UNC13C: variants seen among roughly 807,000 people sequenced by gnomAD.
UNC13C encodes protein unc-13 homolog C.
A neutral mutation model predicts 245.4 loss-of-function variants in UNC13C; 174 were observed. The observed-to-expected ratio is 0.71, with a 90% CI of 0.63 to 0.80. UNC13C has a LOEUF of 0.80. Among genes scored for constraint, UNC13C ranks in the 30% least tolerant of loss-of-function variants. The pLI is 0.00. For missense variants in UNC13C, 2,829 were observed against 2,602.9 expected (o/e 1.09, Z -1.89); for synonymous variants, 992 against 895.1 (o/e 1.11, Z -1.93).
At chr15:54,033,041 T>A (rs890341276) in intron 2 of UNC13C, among the ~76,000 whole-genome samples, 1 of 152,108 alleles carries the variant, frequency 6.6e-6, no homozygotes, top group African/African-American at 2.4e-5. Flanking sequence ...CAGTGTATGC[T>A]GCTTGGGTGA....
intron 4 of UNC13C, among the ~76,000 whole-genome samples, chr15:54,197,514 G>A (rs1466451226): frequency 2.0e-5 from 3 of 151,996 alleles, no homozygotes; most frequent in African/African-American, 7.2e-5. Context: ...CGCTGGATAG[G>A]TTTAATATAC....
At chr15:54,158,845 G>T (rs1018362614) in intron 4 of UNC13C, among the ~76,000 whole-genome samples, 2 of 151,816 alleles carry the variant, frequency 1.3e-5, no homozygotes, top group Non-Finnish European at 2.9e-5. Context: ...TAAAGATGAG[G>T]TCTCACTATG....
intron 10 of UNC13C, among the ~76,000 whole-genome samples, chr15:54,286,067 G>C (rs1490218840): frequency 6.6e-6 from 1 of 152,076 alleles, no homozygotes; most frequent in Non-Finnish European, 1.5e-5. Context: ...TCTAAGTAGA[G>C]ACAGGGTTTC....
intron 2 of UNC13C, among the ~76,000 whole-genome samples, chr15:54,063,042 G>C (rs1281114801): frequency 6.6e-6 from 1 of 152,232 alleles, no homozygotes; most frequent in Non-Finnish European, 1.5e-5. Flanking sequence ...AGTGGGAATA[G>C]ATGAAGAGAA....
At chr15:54,529,579 G>C (rs1024983616) in intron 25 of UNC13C, among the ~76,000 whole-genome samples, 2 of 152,070 alleles carry the variant, frequency 1.3e-5, no homozygotes, top group Non-Finnish European at 2.9e-5. Context: ...TAAATATGTG[G>C]AGAATGTATG....
chr15:54,039,402 A>G (rs2141030595), intron 2 of UNC13C, among the ~76,000 whole-genome samples: 1 of 152,338 alleles, frequency 6.6e-6, no homozygotes, highest in East Asian at 1.9e-4. Flanking sequence ...ATGAAACAGA[A>G]TGACATGCCA....
intron 19 of UNC13C, among the ~76,000 whole-genome samples, chr15:54,417,425 C>G (rs886844795): frequency 6.6e-6 from 1 of 151,990 alleles, no homozygotes; most frequent in East Asian, 1.9e-4. Flanking sequence ...CATTTATTGC[C>G]TTTTTGTATC....
At chr15:53,924,171 C>T in the UNC13C span, among the ~76,000 whole-genome samples, 2 of 152,282 alleles carry the variant, frequency 1.3e-5, no homozygotes, top group African/African-American at 4.8e-5. Context: ...CACACCATTG[C>T]ACTCCAACCT....
chr15:54,613,775 T>A (rs924383098), intron 30 of UNC13C, among the ~76,000 whole-genome samples: 1 of 152,036 alleles, frequency 6.6e-6, no homozygotes, highest in Non-Finnish European at 1.5e-5. Context: ...TTAAATAATA[T>A]TCTCAACTTT....
chr15:54,449,708 C>A (rs1425839282), intron 19 of UNC13C, among the ~76,000 whole-genome samples: 3 of 152,156 alleles, frequency 2.0e-5, no homozygotes, highest in Non-Finnish European at 4.4e-5. Flanking sequence ...AACTTCTTTG[C>A]AATGGGTTCA....
chr15:54,167,630 A>AG (rs2033231359), intron 4 of UNC13C, among the ~76,000 whole-genome samples: 5 of 150,186 alleles, frequency 3.3e-5, no homozygotes, highest in South Asian at 2.1e-4. Flanking sequence ...AAAAAGAAAC[A>AG]AAACCAAATC....
chr15:54,533,984 G>A (rs1895878066), intron 26 of UNC13C, among the ~76,000 whole-genome samples: 1 of 152,140 alleles, frequency 6.6e-6, no homozygotes, highest in Non-Finnish European at 1.5e-5. Context: ...ATTTATTATT[G>A]TTGTGGCAAA....
At chr15:54,194,024 T>A (rs74465894) in intron 4 of UNC13C, among the ~76,000 whole-genome samples, 1,748 of 151,398 alleles carry the variant, frequency 0.012, 46 homozygotes, top group African/African-American at 0.041. Context: ...AAGGGAAGAG[T>A]AGGTAAAGAT....
chr15:54,124,028 G>C (rs2030861541), intron 2 of UNC13C, among the ~76,000 whole-genome samples: 1 of 152,054 alleles, frequency 6.6e-6, no homozygotes, highest in African/African-American at 2.4e-5. Context: ...TGTATCAATA[G>C]TTCATTTATT....
At chr15:54,018,258 C>T (rs1352120185) in intron 2 of UNC13C, among the ~76,000 whole-genome samples, 1 of 152,182 alleles carries the variant, frequency 6.6e-6, no homozygotes, top group East Asian at 1.9e-4. Context: ...TTTTTCTCTC[C>T]ATGGCTACGT....
intron 30 of UNC13C, among the ~76,000 whole-genome samples, chr15:54,575,320 C>A (rs1897913319): frequency 6.6e-6 from 1 of 152,118 alleles, no homozygotes; most frequent in Admixed American, 6.6e-5. Flanking sequence ...AGTTTAAATA[C>A]CAGATTATAT....
intron 19 of UNC13C, among the ~76,000 whole-genome samples, chr15:54,482,218 T>A (rs8024635): frequency 0.022 from 3,338 of 152,160 alleles, 81 homozygotes; most frequent in African/African-American, 0.063. Context: ...CATAGGGGGA[T>A]GTCAGCAGAG....
chr15:54,138,491 CT>C (rs1232004197), intron 2 of UNC13C, among the ~76,000 whole-genome samples: 1 of 151,792 alleles, frequency 6.6e-6, no homozygotes, highest in African/African-American at 2.4e-5. Context: ...AGGTTACTTC[CT>C]AATTTTTATT....
chr15:54,082,696 C>A (rs963033346), intron 2 of UNC13C, among the ~76,000 whole-genome samples: 17 of 152,222 alleles, frequency 1.1e-4, no homozygotes, highest in East Asian at 3.9e-4. Flanking sequence ...TCTTAAGGAA[C>A]CGTCGCTTCT....
Sources: allele counts gnomAD v4.1 joint callset (sites outside exome capture counted in the v4.1 genomes callset), GRCh38; gene constraint gnomAD v4.1.1; transcripts MANE v1.5; gene names NCBI Gene and HGNC (gene_info 2026-07-23, HGNC 2026-07-21).